IGF1R: variants seen among roughly 807,000 people sequenced by gnomAD.
IGF1R encodes insulin like growth factor 1 receptor.
In IGF1R, 44 loss-of-function variants were observed where a neutral mutation model predicts 144.6. The observed-to-expected ratio is 0.30, with a 90% CI of 0.24 to 0.39. The LOEUF (loss-of-function observed/expected upper bound fraction) is 0.39. Ranked by LOEUF, IGF1R falls within the 10% of genes least tolerant of loss-of-function variation. The pLI is 1.00. For missense variants in IGF1R, 1,355 were observed against 1,833.7 expected (o/e 0.74, Z 4.77); for synonymous variants, 795 against 722.8 (o/e 1.10, Z -1.60).
chr15:98,868,977 G>A (rs989329363), intron 2 of IGF1R, among the ~76,000 whole-genome samples: 5 of 152,172 alleles, frequency 3.3e-5, no homozygotes, highest in Non-Finnish European at 5.9e-5. Flanking sequence ...TTGTGCATAG[G>A]TTAGATTATT....
At position 98,929,617 on chromosome 15, in the gene IGF1R, G is replaced by A. The variant is rs778465734; in HGVS notation, c.2842G>A (p.Val948Met). The change falls in exon 14 of 21, where the codon GTG becomes ATG. Residue 948 changes from valine to methionine, a missense_variant. This residue lies in a region of IGF1R where 880 missense variants were observed against 1,202.7 expected (regional missense o/e 0.73). Transcript: ENST00000650285. ...IALPVAVLLI[V>M]GGLVIMLYVF... ...TCTGCCCGTCGCTGTCCTGTTGATC[G>A]TGGGAGGGTTGGTGATTATGCTGTA... The A allele has an allele frequency of 1.2e-5, 19 of 1,614,126 alleles. No individual in the cohort carries two copies. Among genetic ancestry groups the A allele is most frequent in the East Asian group, 6.7e-5 (3 of 44,890 alleles).
chr15:98,873,822 C>G (rs891572429), intron 2 of IGF1R: 3 of 152,158 alleles, frequency 2.0e-5, no homozygotes, highest in Non-Finnish European at 2.9e-5. Flanking sequence ...CAGATGGTAT[C>G]CTTTCAACCC....
At chr15:98,668,404 G>A (rs1007161619) in intron 1 of IGF1R, among the ~76,000 whole-genome samples, 1 of 152,180 alleles carries the variant, frequency 6.6e-6, no homozygotes, top group East Asian at 1.9e-4. Flanking sequence ...CCAGGTCTGA[G>A]AGTTGGTTAC....
chr15:98,943,077 C>T (rs1218762010), intron 19 of IGF1R, 25 bp downstream of exon 19: 1 of 1,613,730 alleles, frequency 6.2e-7, no homozygotes, highest in African/African-American at 1.3e-5. Context: ...ACTGCATTGC[C>T]AGCCTGGAGC....
chr15:98,931,500 C>G (rs1022210205), intron 15 of IGF1R, among the ~76,000 whole-genome samples: 2 of 152,112 alleles, frequency 1.3e-5, no homozygotes, highest in African/African-American at 4.8e-5. Context: ...TCAAAAGCAG[C>G]CTCCTCTGAA....
chr15:98,957,002 G>A, intron 20 of IGF1R, 59 bp from the exon 21 acceptor site: 2 of 1,602,134 alleles, frequency 1.2e-6, no homozygotes, highest in South Asian at 1.1e-5. Context: ...GGCCCATGAA[G>A]CCTCCTGGCC....
intron 2 of IGF1R, among the ~76,000 whole-genome samples, chr15:98,845,460 TCTCCTGCCCCCTC>T (rs1259416739): frequency 2.2e-5 from 2 of 90,926 alleles, no homozygotes; most frequent in African/African-American, 8.7e-5. Flanking sequence ...CCTCCTTCCT[TCTCCTGCCCCCTC>T]CTCCTCCCTC....
intron 5 of IGF1R, among the ~76,000 whole-genome samples, chr15:98,901,395 G>T (rs1414183378): frequency 6.6e-6 from 1 of 152,182 alleles, no homozygotes; most frequent in Non-Finnish European, 1.5e-5. Context: ...CCTCCCGATG[G>T]GAAGTTTTCT....
intron 20 of IGF1R, among the ~76,000 whole-genome samples, chr15:98,951,999 A>T (rs746328368): frequency 2.7e-4 from 41 of 152,182 alleles, no homozygotes; most frequent in Non-Finnish European, 5.1e-4. Flanking sequence ...TCTTATTTTG[A>T]ATTTCTTTTA....
At chr15:98,680,335 C>T (rs1487871902) in intron 1 of IGF1R, among the ~76,000 whole-genome samples, 10 of 150,792 alleles carry the variant, frequency 6.6e-5, no homozygotes, top group African/African-American at 9.8e-5. Flanking sequence ...GGTGCAGTCT[C>T]GGCTCACTGC....
In IGF1R at chr15:98,835,107, A is replaced by ACACCCACACACACC. The variant is rs1555450817; in HGVS notation, c.641-56213_641-56212insACACACACCCACCC. Among the ~76,000 whole-genome samples the ACACCCACACACACC allele has an allele frequency of 8.2e-5, 11 of 134,280 alleles. No homozygotes were observed. In the South Asian group the frequency reaches 1.2e-3, roughly 14 times the overall value. 88.1% of individuals were successfully genotyped at this position (134,280 alleles called of 152,430 possible). A position where few individuals can be genotyped will look rare whatever the true frequency, so the allele number is the denominator to read the frequency against. On this transcript the variant is annotated intron_variant, in intron 2 of 20. Coordinates refer to ENST00000650285, the MANE Select transcript of IGF1R (RefSeq NM_000875.5). ...CACACACACACACACACACACACACACACCCCTACACCCACACACACCCAC... is the reference window on the plus strand; with the variant it reads ...CACACACACACACACACACACACACACACCCACACACACCCACCCCTACACCCACACACACCCAC...
At chr15:98,842,878 T>C (rs2011199259) in intron 2 of IGF1R, among the ~76,000 whole-genome samples, 2 of 152,230 alleles carry the variant, frequency 1.3e-5, no homozygotes, top group African/African-American at 4.8e-5. Flanking sequence ...TTTGGCAGTG[T>C]CTATCTTAGT....
At chr15:98,888,117 C>T (rs1003688376) in intron 2 of IGF1R, among the ~76,000 whole-genome samples, 11 of 152,196 alleles carry the variant, frequency 7.2e-5, no homozygotes, top group Admixed American at 3.3e-4. Context: ...AAACCGTCCT[C>T]GGCACCCAGA....
chr15:98,817,953 A>C (rs970199430), intron 2 of IGF1R, among the ~76,000 whole-genome samples: 3 of 152,166 alleles, frequency 2.0e-5, no homozygotes, highest in African/African-American at 7.2e-5. Flanking sequence ...TGAAAGTCCA[A>C]GGTCAGGTGT....
At chr15:98,860,367 G>A (rs1200280099) in intron 2 of IGF1R, among the ~76,000 whole-genome samples, 1 of 152,166 alleles carries the variant, frequency 6.6e-6, no homozygotes, top group Non-Finnish European at 1.5e-5. Flanking sequence ...TTTGAACTCC[G>A]TGAAAGCAGG....
chr15:98,917,102 G>T, intron 10 of IGF1R: 1 of 618,976 alleles, frequency 1.6e-6, no homozygotes, highest in South Asian at 1.8e-5. Flanking sequence ...GGGGCCACCG[G>T]TGTGACAGGT....
intron 2 of IGF1R, among the ~76,000 whole-genome samples, chr15:98,770,356 G>C (rs2055554120): frequency 6.6e-6 from 1 of 152,166 alleles, no homozygotes; most frequent in African/African-American, 2.4e-5. Context: ...CGATGAAGAG[G>C]GGTAGAGAAT....
chr15:98,954,506 T>G (rs1023846559), intron 20 of IGF1R: 2 of 152,256 alleles, frequency 1.3e-5, no homozygotes, highest in Admixed American at 1.3e-4. Flanking sequence ...AAACAAGGTC[T>G]TGAATCCCAC....
chr15:98,925,023 T>G (rs1677869914), intron 13 of IGF1R, among the ~76,000 whole-genome samples: 1 of 152,050 alleles, frequency 6.6e-6, no homozygotes, highest in African/African-American at 2.4e-5. Flanking sequence ...CAAAAGACAT[T>G]TTATAAAGCA....
Sources: gnomAD v4.1 joint callset for allele counts (sites outside exome capture counted in the v4.1 genomes callset) on GRCh38, gnomAD v4.1.1 for gene constraint, gnomAD v4.1.1 regional missense constraint, MANE v1.5 for transcripts, NCBI Gene and HGNC (gene_info 2026-07-23, HGNC 2026-07-21) for gene names.